Variants in ANKRD55 observed in about 807,000 individuals in gnomAD.
ANKRD55 encodes ankyrin repeat domain-containing protein 55.
Under a neutral mutation model 60.6 loss-of-function variants are expected in ANKRD55, and 41 were observed. The observed-to-expected ratio is 0.68, with a 90% CI of 0.53 to 0.88. The LOEUF is 0.88. Among genes scored for constraint, ANKRD55 ranks in the 40% least tolerant of loss-of-function variants. The pLI, the probability that ANKRD55 is intolerant of heterozygous loss-of-function variation, is 0.00. For missense variants in ANKRD55, 732 were observed against 767.6 expected (o/e 0.95, Z 0.55); for synonymous variants, 264 against 290.3 (o/e 0.91, Z 0.92).
intron 9 of ANKRD55, among the ~76,000 whole-genome samples, chr5:56,115,863 A>T (rs927499457): frequency 6.6e-6 from 1 of 150,674 alleles, no homozygotes; most frequent in Non-Finnish European, 1.5e-5. Flanking sequence ...TAATTAATTA[A>T]TTTTTTTTTG....
chr5:56,110,322 C>T (rs1203929785), intron 10 of ANKRD55, among the ~76,000 whole-genome samples: 1 of 150,390 alleles, frequency 6.6e-6, no homozygotes, highest in Non-Finnish European at 1.5e-5. Context: ...TCGCTTGAAC[C>T]CAGGAGACAG....
intron 3 of ANKRD55, among the ~76,000 whole-genome samples, chr5:56,177,501 G>A (rs930470210): frequency 2.6e-5 from 4 of 152,100 alleles, no homozygotes; most frequent in Non-Finnish European, 5.9e-5. Context: ...GATAGGCCGG[G>A]TGTGGTGGCT....
chr5:56,155,839 G>C (rs1758179018), intron 6 of ANKRD55, among the ~76,000 whole-genome samples: 1 of 108,080 alleles, frequency 9.3e-6, no homozygotes, highest in Non-Finnish European at 1.8e-5. Context: ...CACAGAATGA[G>C]ACCCTGCCTC....
intron 4 of ANKRD55, among the ~76,000 whole-genome samples, chr5:56,175,723 C>G (rs941335736): frequency 6.6e-6 from 1 of 152,058 alleles, no homozygotes; most frequent in South Asian, 2.1e-4. Context: ...CCCCAGTTCT[C>G]GTTGTTCTCC....
chr5:56,174,605 G>A (rs776467373), intron 4 of ANKRD55, among the ~76,000 whole-genome samples: 9 of 152,118 alleles, frequency 5.9e-5, no homozygotes, highest in South Asian at 2.1e-4. Flanking sequence ...AGGCTGAGGC[G>A]GGCAGATCAT....
intron 8 of ANKRD55, among the ~76,000 whole-genome samples, chr5:56,126,141 T>C (rs1488389758): frequency 6.7e-6 from 1 of 148,924 alleles, no homozygotes; most frequent in Non-Finnish European, 1.5e-5. Context: ...CTCAAAAAAA[T>C]AGATAAAATA....
chr5:56,122,925 C>T (rs749087937), intron 8 of ANKRD55, among the ~76,000 whole-genome samples: 1 of 151,776 alleles, frequency 6.6e-6, no homozygotes, highest in South Asian at 2.1e-4. Context: ...ACCACTATGT[C>T]CGGCTAATGT....
chr5:56,199,651 G>T (rs1759313536), intron 2 of ANKRD55, among the ~76,000 whole-genome samples: 1 of 151,972 alleles, frequency 6.6e-6, no homozygotes, highest in Non-Finnish European at 1.5e-5. Flanking sequence ...AGCACTTTGG[G>T]AGGCCGAGGT....
rs1486039325 is a variant in ANKRD55, at chr5:56,170,792, T to C, written c.324A>G (p.Glu108=). Residue 108 remains glutamate, a synonymous_variant, in exon 5 of 12, where the codon GAA becomes GAG. Transcript: ENST00000341048. The part of the protein sequence containing the change: ...LCLATYLGWL[E]GCVSLLRNGA... The stretch of plus-strand genomic sequence containing the variant: ...CGTTTCTGAGTAGACTCACACAGCC[T>C]TCAAGCCAGCCCTGAAATACAAGAG... The C allele has an allele frequency of 6.2e-7, 1 of 1,614,122 alleles. No homozygotes were observed. Among genetic ancestry groups the C allele is most frequent in the Admixed American group, 1.7e-5 (1 of 60,014 alleles).
chr5:56,208,273 C>T (rs971527825), intron 2 of ANKRD55, among the ~76,000 whole-genome samples: 2 of 150,052 alleles, frequency 1.3e-5, no homozygotes, highest in African/African-American at 2.5e-5. Context: ...CCTTCTTGTT[C>T]GCTTAAAAAA....
intron 2 of ANKRD55, among the ~76,000 whole-genome samples, chr5:56,206,385 C>T (rs538163852): frequency 3.3e-5 from 5 of 152,128 alleles, no homozygotes; most frequent in South Asian, 4.2e-4. Flanking sequence ...CAGTAGTTCC[C>T]GAATGACTGG....
chr5:56,173,792 C>T (rs372365405), intron 4 of ANKRD55, among the ~76,000 whole-genome samples: 12 of 149,866 alleles, frequency 8.0e-5, no homozygotes, highest in African/African-American at 2.5e-4. Flanking sequence ...GATCCTCTAG[C>T]CTCTTGGCCT....
intron 4 of ANKRD55, among the ~76,000 whole-genome samples, chr5:56,171,200 C>G (rs1017689557): frequency 6.6e-6 from 1 of 152,210 alleles, no homozygotes; most frequent in African/African-American, 2.4e-5. Flanking sequence ...AGTCCCCCTC[C>G]CAGTGCCTAG....
In ANKRD55 at chr5:56,183,386, C is replaced by A. The variant is rs564404013; in HGVS notation, c.181+126G>T. 4.7e-6 allele frequency: 6 copies of A among 1,263,974 alleles called. No individual in the cohort carries two copies. The African/African-American group carries it at 7.6e-5, about 16-fold the overall frequency. 78.3% of individuals were successfully genotyped at this position (1,263,974 alleles called of 1,614,324 possible). A position where few individuals can be genotyped will look rare whatever the true frequency, so the allele number is the denominator to read the frequency against. On this transcript the variant is annotated intron_variant, in intron 3 of 11. Coordinates refer to ENST00000341048, the MANE Select transcript of ANKRD55 (RefSeq NM_024669.3). Reference sequence around the variant, plus strand: ...TTCATTATAAGAGGCGATGTGGTACCTGCACATAGGCACAGTATCAAAATG... The same window carrying A: ...TTCATTATAAGAGGCGATGTGGTACATGCACATAGGCACAGTATCAAAATG...
rs369479123 is a variant in ANKRD55, at chr5:56,153,834, GA to G, written c.483+5998del. ...CCTGGACAGGGCAAGACTCCATCTCGAAAAAAACAAAACAACAACAACAAAA... is the reference window on the plus strand; with the variant it reads ...CCTGGACAGGGCAAGACTCCATCTCGAAAAAACAAAACAACAACAACAAAA... On this transcript the variant is annotated intron_variant, in intron 6 of 11. Transcript: ENST00000341048. 3.4e-3 allele frequency among the ~76,000 whole-genome samples: 510 copies of G among 150,746 alleles called. 3 individuals are homozygous for G. The highest frequency in any genetic ancestry group is 0.012 in the African/African-American group (486 of 41,058).
At position 56,192,642 on chromosome 5, in the gene ANKRD55, G is replaced by A. The variant is rs942093642; in HGVS notation, c.59-9008C>T. On this transcript the variant is annotated intron_variant, in intron 2 of 11. Transcript: ENST00000341048. ...TCTCAGCTACTTAGTATTTTGTTGG[G>A]AGAAGAGGGTGACACCCAGACTAAT... is the stretch of plus-strand genomic sequence containing the variant. 24 of 869,438 alleles carry A rather than the reference G, an allele frequency of 2.8e-5. No individual in the cohort carries two copies. In the African/African-American group the frequency reaches 3.9e-4, roughly 14 times the overall value. 53.9% of individuals were successfully genotyped at this position (869,438 alleles called of 1,614,324 possible). A position where few individuals can be genotyped will look rare whatever the true frequency, so the allele number is the denominator to read the frequency against.
intron 6 of ANKRD55, among the ~76,000 whole-genome samples, chr5:56,154,892 A>G (rs1758154663): frequency 2.0e-5 from 3 of 152,198 alleles, no homozygotes; most frequent in Middle Eastern, 3.4e-3. Flanking sequence ...CCGGGCCTCA[A>G]AGATCTTAAC....
chr5:56,144,033 T>C lies in ANKRD55; in HGVS notation c.484-104A>G, dbSNP rs150310470. 6.5e-3 allele frequency: 9,477 copies of C among 1,465,318 alleles called. 50 individuals are homozygous for C. Among genetic ancestry groups the C allele is most frequent in the Non-Finnish European group, 7.2e-3 (7,660 of 1,067,844 alleles). 90.8% of individuals were successfully genotyped at this position (1,465,318 alleles called of 1,614,324 possible). ...GGCCTGGGGGCCATCACCAGATGCG[T>C]TGGTTGTTTCCTGCTGGTTCATTCA... is the stretch of plus-strand genomic sequence containing the variant. On this transcript the variant is annotated intron_variant, in intron 6 of 11. Coordinates refer to ENST00000341048, the MANE Select transcript of ANKRD55 (RefSeq NM_024669.3).
intron 2 of ANKRD55, among the ~76,000 whole-genome samples, chr5:56,201,398 A>T (rs1200008912): frequency 2.0e-5 from 3 of 152,228 alleles, no homozygotes; most frequent in Admixed American, 1.3e-4. Flanking sequence ...GTTAAAGGTC[A>T]TTGATACAGC....
Sources: gnomAD v4.1 joint callset for allele counts (sites outside exome capture counted in the v4.1 genomes callset) on GRCh38, gnomAD v4.1.1 for gene constraint, MANE v1.5 for transcripts, NCBI Gene and HGNC (gene_info 2026-07-23, HGNC 2026-07-21) for gene names.